DNAJC3: variants seen among roughly 807,000 people sequenced by gnomAD.
DNAJC3 encodes the protein DnaJ heat shock protein family (Hsp40) member C3.
DNAJC3 carries 38 observed loss-of-function variants against 68.6 expected under a neutral mutation model. That is an observed-to-expected ratio of 0.55 (90% CI 0.43 to 0.73). The LOEUF (loss-of-function observed/expected upper bound fraction) is 0.73. Among genes scored for constraint, DNAJC3 ranks in the 30% least tolerant of loss-of-function variants. The pLI is 0.00. For synonymous variants in DNAJC3, 203 were observed against 204.0 expected (o/e 1.00, Z 0.04); for missense variants, 526 against 591.9 (o/e 0.89, Z 1.16).
chr13:95,790,872 G>C lies in DNAJC3; in HGVS notation c.1358-1G>C. 6.2e-7 allele frequency: 1 copy of C among 1,605,808 alleles called. No homozygotes were observed. Among genetic ancestry groups the C allele is most frequent in the Non-Finnish European group, 8.5e-7 (1 of 1,177,374 alleles). On this transcript the variant is annotated splice_acceptor_variant, in intron 11 of 11. Coordinates refer to ENST00000602402, the MANE Select transcript of DNAJC3 (RefSeq NM_006260.5). LOFTEE classifies it high-confidence loss of function. ...TTCTTAATTTTCTGATTTCTTTCTAGAAATGAGAAAGAAGTTTGACGACGG... is the reference window on the plus strand; with the variant it reads ...TTCTTAATTTTCTGATTTCTTTCTACAAATGAGAAAGAAGTTTGACGACGG...
chr13:95,780,623 C>T (rs1883422717), intron 9 of DNAJC3, among the ~76,000 whole-genome samples: 1 of 152,122 alleles, frequency 6.6e-6, no homozygotes, highest in South Asian at 2.1e-4. Context: ...GAGCTGCACC[C>T]TGTCTGTTTA....
chr13:95,694,480 A>G (rs189928489), intron 1 of DNAJC3: 1 of 152,752 alleles, frequency 6.5e-6, no homozygotes, highest in East Asian at 1.9e-4. Context: ...CTTAATAAGA[A>G]TAAAGCATAT....
chr13:95,788,454 T>C (rs1326858253), intron 11 of DNAJC3, among the ~76,000 whole-genome samples: 1 of 152,278 alleles, frequency 6.6e-6, no homozygotes, highest in Non-Finnish European at 1.5e-5. Context: ...TCTTACCTCC[T>C]GTTCTTCTGT....
At chr13:95,731,901 ATTTTTTTTTT>A (rs777968421) in intron 4 of DNAJC3, among the ~76,000 whole-genome samples, 3 of 123,948 alleles carry the variant, frequency 2.4e-5, no homozygotes, top group Non-Finnish European at 3.3e-5. Context: ...CGCCTGGCTA[ATTTTTTTTTT>A]TTTTTTTTTT....
At chr13:95,729,931 T>A (rs1881659707) in intron 4 of DNAJC3, among the ~76,000 whole-genome samples, 1 of 152,186 alleles carries the variant, frequency 6.6e-6, no homozygotes, top group African/African-American at 2.4e-5. Context: ...AGTTTGCATA[T>A]ATTTTCTGTA....
intron 4 of DNAJC3, chr13:95,742,501 A>G: frequency 2.4e-6 from 1 of 418,998 alleles, no homozygotes; most frequent in South Asian, 1.9e-5. Context: ...TCCAGCTAGG[A>G]TTGGAGGAGT....
chr13:95,748,964 A>G (rs749151571), intron 4 of DNAJC3, among the ~76,000 whole-genome samples: 5 of 152,260 alleles, frequency 3.3e-5, no homozygotes, highest in African/African-American at 4.8e-5. Context: ...TATGATTCAG[A>G]TAACTGTTCT....
intron 9 of DNAJC3, among the ~76,000 whole-genome samples, chr13:95,771,621 T>C (rs1409974074): frequency 6.6e-6 from 1 of 152,154 alleles, no homozygotes; most frequent in East Asian, 1.9e-4. Context: ...TTGCTCAAGC[T>C]GGATTCCACA....
In DNAJC3 at chr13:95,716,305, G is replaced by A. The variant is rs187778625; in HGVS notation, c.194-6937G>A. 2.9e-3 allele frequency among the ~76,000 whole-genome samples: 446 copies of A among 152,342 alleles called. 2 individuals are homozygous for A. Among genetic ancestry groups the A allele is most frequent in the African/African-American group, 0.01 (426 of 41,580 alleles). On this transcript the variant is annotated intron_variant, in intron 2 of 11. Transcript: ENST00000602402. Reference sequence around the variant, plus strand: ...CCCACTGCTCAGACCCTTACTGGGAGCATGCAGATGGGCAGGTGCAGAGGC... The same window carrying A: ...CCCACTGCTCAGACCCTTACTGGGAACATGCAGATGGGCAGGTGCAGAGGC...
intron 4 of DNAJC3, among the ~76,000 whole-genome samples, chr13:95,741,719 G>A (rs115890104): frequency 0.013 from 2,022 of 152,256 alleles, 46 homozygotes; most frequent in African/African-American, 0.047. Context: ...TGTGTTGAGT[G>A]GGGCAGTCCC....
intron 9 of DNAJC3, among the ~76,000 whole-genome samples, chr13:95,769,848 G>T (rs1883111488): frequency 6.6e-6 from 1 of 152,170 alleles, no homozygotes; most frequent in Non-Finnish European, 1.5e-5. Context: ...ATATCAGCTG[G>T]GTAAAACATT....
chr13:95,679,773 A>G (rs919701662), intron 1 of DNAJC3, among the ~76,000 whole-genome samples: 1 of 152,218 alleles, frequency 6.6e-6, no homozygotes, highest in Admixed American at 6.5e-5. Flanking sequence ...TTATGTGTGT[A>G]TATCTCATAA....
At chr13:95,717,351 A>G (rs1212360400) in intron 2 of DNAJC3, among the ~76,000 whole-genome samples, 1 of 152,214 alleles carries the variant, frequency 6.6e-6, no homozygotes, top group Non-Finnish European at 1.5e-5. Flanking sequence ...CACTTCTGAA[A>G]TGAGGACAAA....
Position 95,740,776 on chromosome 13 carries a change from G to A in DNAJC3, c.393+15524G>A, listed in dbSNP as rs1026259425. Among the ~76,000 whole-genome samples, 4 of 152,194 alleles carry A rather than the reference G, an allele frequency of 2.6e-5. No individual in the cohort carries two copies. In the South Asian group the frequency reaches 8.3e-4, roughly 32 times the overall value. On this transcript the variant is annotated intron_variant, in intron 4 of 11. Coordinates refer to ENST00000602402, the MANE Select transcript of DNAJC3 (RefSeq NM_006260.5). ...AATGCAGAAATCACCCGTCTTCTGCGTCGCTCACGCTGGGAGCTGTAGACC... is the reference window on the plus strand; with the variant it reads ...AATGCAGAAATCACCCGTCTTCTGCATCGCTCACGCTGGGAGCTGTAGACC...
chr13:95,765,847 A>G (rs111926167), intron 9 of DNAJC3, among the ~76,000 whole-genome samples: 30 of 152,152 alleles, frequency 2.0e-4, no homozygotes, highest in African/African-American at 7.0e-4. Flanking sequence ...GCTAGGATCA[A>G]TTGGCCCTGC....
intron 1 of DNAJC3, chr13:95,694,458 A>C (rs1396133687): frequency 6.6e-6 from 1 of 152,620 alleles, no homozygotes; most frequent in African/African-American, 2.4e-5. Context: ...AAATCCTATA[A>C]CCAAAATAAT....
intron 9 of DNAJC3, among the ~76,000 whole-genome samples, chr13:95,764,715 T>C (rs538385332): frequency 7.4e-6 from 1 of 135,764 alleles, no homozygotes; most frequent in Non-Finnish European, 1.5e-5. Context: ...TACATATATA[T>C]ATACACATAT....
rs1040200294 is a variant in DNAJC3, at chr13:95,793,316, A to C, written c.*2286A>C. On this transcript the variant is annotated 3_prime_UTR_variant, in exon 12 of 12. Coordinates refer to ENST00000602402, the MANE Select transcript of DNAJC3 (RefSeq NM_006260.5). ...TCGGCAGTTTTCTGGTGTCCACCCA[A>C]ACGGAGAGACAGTCACTCCTGCTTA... 6.6e-6 allele frequency: 1 copy of C among 152,072 alleles called. No individual in the cohort carries two copies. Among genetic ancestry groups the C allele is most frequent in the Non-Finnish European group, 1.5e-5 (1 of 68,028 alleles). The allele number at this position is 152,072 out of a possible 1,614,324, so 9.4% of individuals were successfully genotyped here.
chr13:95,750,513 AT>A (rs111462244), intron 4 of DNAJC3, among the ~76,000 whole-genome samples: 4,133 of 144,098 alleles, frequency 0.029, 88 homozygotes, highest in African/African-American at 0.059. Flanking sequence ...TAATTATTCA[AT>A]TTTTTTTTTT....
Sources: allele counts gnomAD v4.1 joint callset (sites outside exome capture counted in the v4.1 genomes callset), GRCh38; gene constraint gnomAD v4.1.1; transcripts MANE v1.5; gene names NCBI Gene and HGNC (gene_info 2026-07-23, HGNC 2026-07-21).